Variants in GPR174 observed in about 807,000 individuals in gnomAD.
The protein encoded by GPR174 is G protein-coupled receptor 174.
A neutral mutation model predicts 16.5 loss-of-function variants in GPR174; 8 were observed. The ratio of observed to expected loss-of-function variants is 0.48; its 90% CI spans 0.28 to 0.87. The LOEUF (loss-of-function observed/expected upper bound fraction) is 0.87, where lower values mean the gene tolerates loss of function less well. Among genes scored for constraint, GPR174 ranks in the 40% least tolerant of loss-of-function variants. The pLI, the probability that GPR174 is intolerant of heterozygous loss-of-function variation, is 0.09. For missense variants in GPR174, 214 were observed against 247.5 expected (o/e 0.86, Z 0.91); for synonymous variants, 111 against 94.8 (o/e 1.17, Z -0.99).
chrX:79,152,585 AC>A (rs1278909484), intron 1 of GPR174, among the ~76,000 whole-genome samples: 1 of 111,122 alleles, frequency 9.0e-6, no homozygotes, highest in Non-Finnish European at 1.9e-5. Context: ...CTACACACTC[AC>A]CTCCTCTGTC....
At chrX:79,154,933 T>C (rs1324778020) in intron 1 of GPR174, among the ~76,000 whole-genome samples, 1 of 111,458 alleles carries the variant, frequency 9.0e-6, no homozygotes, top group Non-Finnish European at 1.9e-5. Flanking sequence ...ATGGCTATCC[T>C]GGAAAAAAAA....
chrX:79,171,015 C>G lies in GPR174; in HGVS notation c.8C>G (p.Ala3Gly), dbSNP rs1270641977. MP[A>G]NYTCTRPDGD... ...GTTTCTCTAGAGAGAATCATGCCTG[C>G]TAATTACACGTGTACCAGGCCAGAT... is the stretch of plus-strand genomic sequence containing the variant. The change falls in exon 3 of 3, where the codon GCT (alanine) becomes GGT (glycine). Residue 3 changes from alanine to glycine, a missense_variant. By Grantham distance (60) the Ala-to-Gly change is moderately conservative. Coordinates refer to ENST00000645147, the MANE Select transcript of GPR174 (RefSeq NM_032553.3). The G allele has an allele frequency of 4.2e-6, 5 of 1,188,386 alleles. No individual in the cohort carries two copies. The Admixed American group carries it at 6.9e-5, about 16-fold the overall frequency.
At position 79,145,047 on chromosome X, in the gene GPR174, TTTCTTTCTTTCTTTC is replaced by T; in HGVS notation, c.-821_-807del. The T allele has an allele frequency of 1.1e-5, 1 of 88,065 alleles. No homozygotes were observed. The highest frequency in any genetic ancestry group is 4.7e-5 in the African/African-American group (1 of 21,281). The allele number at this position is 88,065 out of a possible 1,213,427, so 7.3% of individuals were successfully genotyped here. The stretch of plus-strand genomic sequence containing the variant: ...CTTTCTTTCTTTCTTTCTTTCTTTC[TTTCTTTCTTTCTTTC>T]TTTTTTTTCTCCTTTTGCTAGTGAA... On this transcript the variant is annotated 5_prime_UTR_variant, in exon 1 of 3. Coordinates refer to ENST00000645147, the MANE Select transcript of GPR174 (RefSeq NM_032553.3).
chrX:79,164,313 G>T (rs1214038393), intron 2 of GPR174, among the ~76,000 whole-genome samples: 1 of 111,065 alleles, frequency 9.0e-6, no homozygotes, highest in African/African-American at 3.3e-5. Flanking sequence ...GCTTACAAAA[G>T]AAAAAGACCA....
At chrX:79,169,247 G>T (rs1266867530) in intron 2 of GPR174, among the ~76,000 whole-genome samples, 1 of 111,552 alleles carries the variant, frequency 9.0e-6, no homozygotes, top group Non-Finnish European at 1.9e-5. Flanking sequence ...CTTCCAATAA[G>T]TGTCTCATTT....
chrX:79,147,265 C>T (rs1339516095), intron 1 of GPR174, among the ~76,000 whole-genome samples: 4 of 110,658 alleles, frequency 3.6e-5, no homozygotes, highest in African/African-American at 1.3e-4. Context: ...TCTCTTCATA[C>T]CTTGTCCAGT....
intron 1 of GPR174, among the ~76,000 whole-genome samples, chrX:79,147,553 T>G (rs1470749229): frequency 1.9e-5 from 2 of 102,831 alleles, no homozygotes; most frequent in Non-Finnish European, 3.9e-5. Flanking sequence ...GATGCTGTAA[T>G]ACAAGATTAA....
intron 2 of GPR174, among the ~76,000 whole-genome samples, chrX:79,160,533 G>A (rs1440307702): frequency 8.9e-6 from 1 of 111,817 alleles, no homozygotes; most frequent in Admixed American, 9.5e-5. Flanking sequence ...TGTGTGTGGT[G>A]TGTAGGATGT....
intron 1 of GPR174, among the ~76,000 whole-genome samples, chrX:79,153,074 CTT>C (rs1307447733): frequency 8.9e-6 from 1 of 112,225 alleles, no homozygotes; most frequent in Non-Finnish European, 1.9e-5. Context: ...AGAGGCATAA[CTT>C]TTATGGATCA....
At chrX:79,169,420 T>C (rs1305931090) in intron 2 of GPR174, among the ~76,000 whole-genome samples, 1 of 111,900 alleles carries the variant, frequency 8.9e-6, no homozygotes, top group African/African-American at 3.3e-5. Flanking sequence ...TTTAATCTCT[T>C]CAATCCAAAG....
chrX:79,170,240 A>G (rs905927009), intron 2 of GPR174, among the ~76,000 whole-genome samples: 3 of 111,729 alleles, frequency 2.7e-5, no homozygotes, highest in Admixed American at 1.9e-4. Context: ...TCGTTCATGA[A>G]TTTTGAGTAA....
At chrX:79,162,075 T>C (rs1921247950) in intron 2 of GPR174, among the ~76,000 whole-genome samples, 3 of 112,305 alleles carry the variant, frequency 2.7e-5, no homozygotes, top group Non-Finnish European at 5.6e-5. Flanking sequence ...GGATTGCAGG[T>C]AAAGATGGTA....
chrX:79,163,589 A>C (rs1166790284), intron 2 of GPR174, among the ~76,000 whole-genome samples: 2 of 112,352 alleles, frequency 1.8e-5, no homozygotes, highest in African/African-American at 6.5e-5. Flanking sequence ...GCCAAAAAAC[A>C]AAAGCAGACA....
At chrX:79,170,118 T>G (rs1260106674) in intron 2 of GPR174, among the ~76,000 whole-genome samples, 1 of 111,556 alleles carries the variant, frequency 9.0e-6, no homozygotes, top group Non-Finnish European at 1.9e-5. Context: ...GCTTCTCAAA[T>G]GTTAATACGC....
chrX:79,171,748 T>C lies in GPR174; in HGVS notation c.741T>C (p.His247=), dbSNP rs1921521710. 8.3e-7 allele frequency: 1 copy of C among 1,209,804 alleles called. No homozygotes were observed. The highest frequency in any genetic ancestry group is 1.1e-6 in the Non-Finnish European group (1 of 895,148). The change falls in exon 3 of 3, where the codon CAT becomes CAC. Residue 247 remains histidine, a synonymous_variant. Coordinates refer to ENST00000645147, the MANE Select transcript of GPR174 (RefSeq NM_032553.3). ...GVFLICFAPY[H]FSFPLDFLVK... ...TCCTAATTTGCTTTGCACCTTATCA[T>C]TTCAGTTTTCCTTTAGATTTCCTGG...
intron 2 of GPR174, among the ~76,000 whole-genome samples, chrX:79,164,650 T>C (rs1275726560): frequency 4.5e-5 from 5 of 111,734 alleles, no homozygotes; most frequent in Non-Finnish European, 9.4e-5. Context: ...AATAAATTCT[T>C]CCAAAGTCTT....
At position 79,175,090 on chromosome X, in the gene GPR174, G is replaced by C. The variant is rs1921609748; in HGVS notation, c.*3081G>C. On this transcript the variant is annotated 3_prime_UTR_variant, in exon 3 of 3. Coordinates refer to ENST00000645147, the MANE Select transcript of GPR174 (RefSeq NM_032553.3). ...GTCACTCAGTTAAGCAGCCAATTCT[G>C]TTAGCTGGTAATTCCACAAAGAGAA... 9.0e-6 allele frequency: 1 copy of C among 111,257 alleles called. No homozygotes were observed. The highest frequency in any genetic ancestry group is 3.8e-4 in the South Asian group (1 of 2,643). 9.2% of individuals were successfully genotyped at this position (111,257 alleles called of 1,213,427 possible). A position where few individuals can be genotyped will look rare whatever the true frequency, so the allele number is the denominator to read the frequency against.
intron 1 of GPR174, among the ~76,000 whole-genome samples, chrX:79,153,877 TCTTA>T (rs747927969): frequency 1.1e-4 from 12 of 111,669 alleles, no homozygotes; most frequent in Non-Finnish European, 1.9e-4. Context: ...TCAGGATGAG[TCTTA>T]CTTACTTTCT....
chrX:79,175,140 C>T lies in GPR174; in HGVS notation c.*3131C>T, dbSNP rs915813246. 2 of 111,350 alleles carry T rather than the reference C, an allele frequency of 1.8e-5. No individual in the cohort carries two copies. Among genetic ancestry groups the T allele is most frequent in the African/African-American group, 6.5e-5 (2 of 30,642 alleles). The allele number at this position is 111,350 out of a possible 1,213,427, so 9.2% of individuals were successfully genotyped here. A position where few individuals can be genotyped will look rare whatever the true frequency, so the allele number is the denominator to read the frequency against. Reference sequence around the variant, plus strand: ...AGCCATCTGCCCCAGGAGCAACAGACCAAGCTGCCTTGGTCTGAGAGGGTG... The same window carrying T: ...AGCCATCTGCCCCAGGAGCAACAGATCAAGCTGCCTTGGTCTGAGAGGGTG... On this transcript the variant is annotated 3_prime_UTR_variant, in exon 3 of 3. Transcript: ENST00000645147.
Sources: gnomAD v4.1 joint callset for allele counts (sites outside exome capture counted in the v4.1 genomes callset) on GRCh38, gnomAD v4.1.1 for gene constraint, MANE v1.5 for transcripts, NCBI Gene and HGNC (gene_info 2026-07-23, HGNC 2026-07-21) for gene names.